Variants in DNAAF4 observed in about 807,000 individuals in gnomAD.
The protein encoded by DNAAF4 is dynein assembly factor 4, axonemal.
In DNAAF4, 43 loss-of-function variants were observed where a neutral mutation model predicts 51.8. That is an observed-to-expected ratio of 0.83 (90% confidence interval 0.65 to 1.07). DNAAF4 has a LOEUF of 1.07. Ranked by LOEUF, DNAAF4 falls within the 50% of genes least tolerant of loss-of-function variation. The pLI, the probability that DNAAF4 is intolerant of heterozygous loss-of-function variation, is 0.00. For missense variants in DNAAF4, 581 were observed against 493.0 expected (o/e 1.18, Z -1.69); for synonymous variants, 194 against 165.6 (o/e 1.17, Z -1.32).
chr15:55,498,924 A>AAGAAAAG (rs2058676156), intron 1 of DNAAF4, among the ~76,000 whole-genome samples: 1 of 148,962 alleles, frequency 6.7e-6, no homozygotes, highest in Non-Finnish European at 1.5e-5. Flanking sequence ...AAAAAAAAAA[A>AAGAAAAG]GAAAAGAAAA....
chr15:55,497,338 G>T (rs936218777), intron 3 of DNAAF4, among the ~76,000 whole-genome samples: 1 of 151,964 alleles, frequency 6.6e-6, no homozygotes, highest in African/African-American at 2.4e-5. Flanking sequence ...GCTCGCACCC[G>T]TAATCCCAGC....
chr15:55,486,656 C>T (rs886235441), intron 4 of DNAAF4, among the ~76,000 whole-genome samples: 1 of 152,060 alleles, frequency 6.6e-6, no homozygotes, highest in African/African-American at 2.4e-5. Flanking sequence ...TGGTGGCATA[C>T]ACCTATAGTC....
At chr15:55,423,254 C>T (rs1367939400) in intron 7 of DNAAF4, among the ~76,000 whole-genome samples, 4 of 151,086 alleles carry the variant, frequency 2.6e-5, no homozygotes, top group African/African-American at 7.3e-5. Flanking sequence ...CAGGCTGGAG[C>T]GCAATGACAC....
intron 7 of DNAAF4, among the ~76,000 whole-genome samples, chr15:55,437,027 TCA>T (rs1208073232): frequency 1.3e-5 from 2 of 149,060 alleles, no homozygotes. Context: ...TCCTTGCTGT[TCA>T]GTCTGGTGAA....
chr15:55,444,785 C>G (rs60229152), intron 6 of DNAAF4, among the ~76,000 whole-genome samples: 22 of 151,830 alleles, frequency 1.4e-4, no homozygotes, highest in African/African-American at 4.4e-4. Context: ...TGGATTCCTA[C>G]GTATTTTTTT....
At chr15:55,497,108 C>T (rs565031942) in intron 3 of DNAAF4, among the ~76,000 whole-genome samples, 1 of 152,140 alleles carries the variant, frequency 6.6e-6, no homozygotes, top group Non-Finnish European at 1.5e-5. Context: ...GGCCTACATC[C>T]CCTCCCCCTT....
chr15:55,472,339 C>T (rs984254573), intron 4 of DNAAF4, among the ~76,000 whole-genome samples: 28 of 151,294 alleles, frequency 1.9e-4, no homozygotes, highest in African/African-American at 5.8e-4. Flanking sequence ...ACTGGAGGCC[C>T]GGGGGCAGTG....
At chr15:55,482,741 T>C (rs1013908957) in intron 4 of DNAAF4, among the ~76,000 whole-genome samples, 1 of 152,116 alleles carries the variant, frequency 6.6e-6, no homozygotes, top group Non-Finnish European at 1.5e-5. Context: ...TGAATGGTCA[T>C]AGTAGTACTA....
intron 6 of DNAAF4, among the ~76,000 whole-genome samples, chr15:55,450,019 G>T (rs578134974): frequency 8.6e-5 from 13 of 151,768 alleles, no homozygotes; most frequent in Admixed American, 2.0e-4. Flanking sequence ...ATATTAAGTC[G>T]GTATTCTCTT....
At chr15:55,418,041 C>T (rs1272199863) in exon 8 of DNAAF4, 2 of 1,210,976 alleles carry the variant, frequency 1.7e-6, no homozygotes, top group Admixed American at 5.1e-5. Flanking sequence ...TGCTTCAGGC[C>T]ATCTGGATGT....
intron 6 of DNAAF4, chr15:55,443,027 G>C (rs994502220): frequency 5.0e-6 from 8 of 1,611,102 alleles, no homozygotes; most frequent in Non-Finnish European, 6.8e-6. Context: ...CTGGTGAAGA[G>C]CTGGGCCTGT....
At chr15:55,460,955 A>G (rs911712889) in intron 5 of DNAAF4, among the ~76,000 whole-genome samples, 1 of 151,458 alleles carries the variant, frequency 6.6e-6, no homozygotes, top group African/African-American at 2.4e-5. Context: ...AGTAAAGACA[A>G]GGTTTCACCA....
intron 7 of DNAAF4, among the ~76,000 whole-genome samples, chr15:55,424,734 T>G (rs1317521108): frequency 6.7e-6 from 1 of 149,576 alleles, no homozygotes; most frequent in Non-Finnish European, 1.5e-5. Flanking sequence ...AGCTAAGTTT[T>G]GTATTTTTAG....
At chr15:55,427,720 C>G (rs1031149623), downstream of DNAAF4, among the ~76,000 whole-genome samples, 1 of 151,544 alleles carries the variant, frequency 6.6e-6, no homozygotes, top group Non-Finnish European at 1.5e-5. Context: ...ACCGCAACCT[C>G]CGCCTCCCGG....
At chr15:55,491,560 T>G (rs944635328) in intron 3 of DNAAF4, among the ~76,000 whole-genome samples, 1 of 148,030 alleles carries the variant, frequency 6.8e-6, no homozygotes, top group Non-Finnish European at 1.5e-5. Flanking sequence ...AAGGACACAT[T>G]TATCCTCTTC....
chr15:55,432,541 A>C lies in DNAAF4; in HGVS notation c.1109T>G (p.Val370Gly). 1 of 1,612,824 alleles carries C rather than the reference A, an allele frequency of 6.2e-7. No individual in the cohort carries two copies. The highest frequency in any genetic ancestry group is 8.5e-7 in the Non-Finnish European group (1 of 1,179,124). The change falls in exon 9 of 10, where the codon GTA becomes GGA. Residue 370 changes from valine (V) to glycine (G), a missense_variant. Coordinates refer to ENST00000321149, the MANE Select transcript of DNAAF4 (RefSeq NM_130810.4). ...DNANARMKAH[V>G]RRGTAFCQLE... ...TTGACAGAATGCTGTTCCACGTCGT[A>C]CATGTGCCTTCATTCTTGCATTAGC...
At chr15:55,440,519 CA>C (rs1280127942) in intron 6 of DNAAF4, among the ~76,000 whole-genome samples, 4 of 151,948 alleles carry the variant, frequency 2.6e-5, no homozygotes, top group Non-Finnish European at 5.9e-5. Flanking sequence ...GCTGGGACTA[CA>C]GGCACCCACC....
At chr15:55,435,137 C>G (rs1567001593) in intron 7 of DNAAF4, 79 bp from the exon 8 acceptor site, 1 of 1,456,268 alleles carries the variant, frequency 6.9e-7, no homozygotes, top group African/African-American at 1.4e-5. Context: ...TTGTATTTGA[C>G]AAAGAGGATG....
chr15:55,447,539 C>T (rs541094148), intron 6 of DNAAF4, among the ~76,000 whole-genome samples: 11 of 151,390 alleles, frequency 7.3e-5, no homozygotes, highest in South Asian at 4.2e-4. Flanking sequence ...CTCGGGAGGC[C>T]GAGGCGGGCA....
Sources: gnomAD v4.1 joint callset for allele counts (sites outside exome capture counted in the v4.1 genomes callset) on GRCh38, gnomAD v4.1.1 for gene constraint, MANE v1.5 for transcripts, NCBI Gene and HGNC (gene_info 2026-07-23, HGNC 2026-07-21) for gene names.